SVEP1: variants seen among roughly 807,000 people sequenced by gnomAD.
SVEP1 encodes the protein sushi, von Willebrand factor type A, EGF and pentraxin domain containing 1.
A neutral mutation model predicts 367.3 loss-of-function variants in SVEP1; 164 were observed. That is an observed-to-expected ratio of 0.45 (90% CI 0.39 to 0.51). The LOEUF is 0.51. SVEP1 is among the 20% of genes least tolerant of loss of function. The pLI is 0.00. For missense variants in SVEP1, 4,117 were observed against 4,425.3 expected (o/e 0.93, Z 1.98); for synonymous variants, 1,666 against 1,611.6 (o/e 1.03, Z -0.81).
chr9:110,477,066 C>T (rs1419714533), intron 13 of SVEP1, among the ~76,000 whole-genome samples: 1 of 152,182 alleles, frequency 6.6e-6, no homozygotes. Context: ...ACCTAGCAAA[C>T]TCTTCCATCT....
At chr9:110,521,569 G>A (rs576430506) in intron 3 of SVEP1, among the ~76,000 whole-genome samples, 22 of 152,312 alleles carry the variant, frequency 1.4e-4, no homozygotes, top group African/African-American at 5.0e-4. Flanking sequence ...CAATATATGT[G>A]TATGCACACA....
intron 3 of SVEP1, 81 bp downstream of exon 3, chr9:110,546,034 T>C: frequency 6.8e-7 from 1 of 1,464,334 alleles, no homozygotes; most frequent in Non-Finnish European, 9.3e-7. Context: ...ATAACAAGCA[T>C]GTATTCCTTA....
Position 110,469,080 on chromosome 9 carries a change from T to C in SVEP1, c.3020A>G (p.Tyr1007Cys). Residue 1007 changes from tyrosine (Y) to cysteine (C), a missense_variant, in exon 17 of 48, where the codon TAT (tyrosine) becomes TGT (cysteine). This residue lies in a region of SVEP1 where 2,174 missense variants were observed against 2,494.3 expected (regional missense o/e 0.87). Transcript: ENST00000374469. Reference sequence around the variant, plus strand: ...ACAGGTGAAATGTTCCAGATTATAATAGGTTCCCAAAGGGCAATTGACTAC... The same window carrying C: ...ACAGGTGAAATGTTCCAGATTATAACAGGTTCCCAAAGGGCAATTGACTAC... ...RMCVNCPLGTYYNLEHFTCES... is the reference protein window; with the variant it reads ...RMCVNCPLGTCYNLEHFTCES... The C allele has an allele frequency of 6.2e-7, 1 of 1,613,206 alleles. No homozygotes were observed. Among genetic ancestry groups the C allele is most frequent in the African/African-American group, 1.3e-5 (1 of 75,026 alleles).
intron 1 of SVEP1, among the ~76,000 whole-genome samples, chr9:110,550,481 TCTA>T (rs1830271276): frequency 1.2e-5 from 1 of 80,850 alleles, no homozygotes; most frequent in Non-Finnish European, 2.8e-5. Flanking sequence ...CCACAAATTA[TCTA>T]TCTATCTATC....
At chr9:110,483,247 T>C (rs1193721187) in intron 10 of SVEP1, among the ~76,000 whole-genome samples, 1 of 152,208 alleles carries the variant, frequency 6.6e-6, no homozygotes, top group Non-Finnish European at 1.5e-5. Context: ...AATATATAGA[T>C]GTGCAGTAGA....
At chr9:110,396,000 G>C (rs1827752052) in intron 40 of SVEP1, among the ~76,000 whole-genome samples, 1 of 151,972 alleles carries the variant, frequency 6.6e-6, no homozygotes, top group African/African-American at 2.4e-5. Flanking sequence ...GCACCAAGCA[G>C]ACCTAATAGA....
At chr9:110,483,241 T>C (rs1406824985) in intron 10 of SVEP1, among the ~76,000 whole-genome samples, 1 of 152,194 alleles carries the variant, frequency 6.6e-6, no homozygotes, top group Non-Finnish European at 1.5e-5. Flanking sequence ...AGTCTGAATA[T>C]ATAGATGTGC....
At chr9:110,403,296 GTTTTTTTTTTTTT>G (rs71371665) in intron 39 of SVEP1, among the ~76,000 whole-genome samples, 6 of 43,454 alleles carry the variant, frequency 1.4e-4, no homozygotes, top group African/African-American at 6.0e-4. Context: ...CGCCACCGCC[GTTTTTTTTTTTTT>G]TTTTTTTTTT....
rs747546317 is a variant in SVEP1, at chr9:110,408,119, T to C, written c.7481A>G (p.Lys2494Arg). 3.0e-5 allele frequency: 49 copies of C among 1,613,700 alleles called. No homozygotes were observed. The highest frequency in any genetic ancestry group is 3.6e-5 in the Non-Finnish European group (43 of 1,179,836). ...GHWLGGKPTC[K>R]AIECLKPKEI... ...CTTGGGTTTCAGGCACTCAATGGCT[T>C]TACATGTTGGTTTTCCTCCAAGCCA... is the stretch of plus-strand genomic sequence containing the variant. Residue 2494 changes from lysine (K) to arginine (R), a missense_variant, in exon 38 of 48, where the codon AAA (lysine) becomes AGA (arginine). This residue lies in a region of SVEP1 where 1,765 missense variants were observed against 1,781.1 expected (regional missense o/e 0.99). Transcript: ENST00000374469.
intron 40 of SVEP1, 68 bp from the exon 41 acceptor site, chr9:110,389,655 A>C: frequency 6.4e-7 from 1 of 1,573,730 alleles, no homozygotes; most frequent in African/African-American, 1.4e-5. Flanking sequence ...AGGAAATGCA[A>C]AGTAATCTTA....
chr9:110,404,290 G>A (rs753602475), intron 39 of SVEP1, 37 bp downstream of exon 39: 2 of 1,584,524 alleles, frequency 1.3e-6, no homozygotes, highest in Non-Finnish European at 1.7e-6. Flanking sequence ...ATATGTATAT[G>A]TAGGCATTAC....
At chr9:110,552,005 T>C (rs1199359770) in intron 1 of SVEP1, among the ~76,000 whole-genome samples, 1 of 146,040 alleles carries the variant, frequency 6.8e-6, no homozygotes, top group Non-Finnish European at 1.5e-5. Flanking sequence ...CAGCGGACAA[T>C]AGAGCAGTGG....
chr9:110,370,121 A>G, intron 46 of SVEP1, 105 bp from the exon 47 acceptor site: 3 of 975,180 alleles, frequency 3.1e-6, no homozygotes, highest in Non-Finnish European at 4.7e-6. Flanking sequence ...TGCAGCAGCC[A>G]CTGCTGGTCT....
intron 5 of SVEP1, among the ~76,000 whole-genome samples, chr9:110,504,871 G>A (rs1829599230): frequency 6.6e-6 from 1 of 152,074 alleles, no homozygotes; most frequent in Non-Finnish European, 1.5e-5. Context: ...TTGGATCATG[G>A]GATGTGTGTG....
chr9:110,388,795 C>A (rs1827566724), intron 41 of SVEP1, among the ~76,000 whole-genome samples: 1 of 151,880 alleles, frequency 6.6e-6, no homozygotes, highest in African/African-American at 2.4e-5. Flanking sequence ...ATGGTGAAAC[C>A]CCGTCTCTAC....
chr9:110,375,201 A>G (rs1161922611), intron 46 of SVEP1, among the ~76,000 whole-genome samples, 167 bp downstream of exon 46: 2 of 152,050 alleles, frequency 1.3e-5, no homozygotes, highest in African/African-American at 4.8e-5. Flanking sequence ...GCAACCATAA[A>G]ATTCAGTGTT....
intron 3 of SVEP1, among the ~76,000 whole-genome samples, chr9:110,536,714 T>C (rs924772416): frequency 3.3e-5 from 5 of 152,022 alleles, no homozygotes; most frequent in African/African-American, 4.8e-5. Flanking sequence ...TTTTTTATTA[T>C]ACTTTAAGTT....
rs767559177 is a variant in SVEP1, at chr9:110,456,295, CTG to C, written c.3674-594_3674-593del. 3.3e-5 allele frequency among the ~76,000 whole-genome samples: 5 copies of C among 152,340 alleles called. No homozygotes were observed. In the East Asian group the frequency reaches 9.6e-4, roughly 29 times the overall value. ...AATTCTGGGGCTGGAGTCCAGCAATCTGTGTTTTTAACAAGCCTTCCAGATGA... is the reference window on the plus strand; with the variant it reads ...AATTCTGGGGCTGGAGTCCAGCAATCTGTTTTTAACAAGCCTTCCAGATGA... On this transcript the variant is annotated intron_variant, in intron 21 of 47. Transcript: ENST00000374469.
chr9:110,445,734 G>C, intron 26 of SVEP1, 103 bp downstream of exon 26: 1 of 1,296,956 alleles, frequency 7.7e-7, no homozygotes, highest in South Asian at 1.4e-5. Flanking sequence ...TGTTTTCTGG[G>C]AACACCTGAC....
Sources: allele counts gnomAD v4.1 joint callset (sites outside exome capture counted in the v4.1 genomes callset), GRCh38; gene constraint gnomAD v4.1.1; regional missense constraint gnomAD v4.1.1; transcripts MANE v1.5; gene names NCBI Gene and HGNC (gene_info 2026-07-23, HGNC 2026-07-21).